Variants in HGSNAT observed in about 807,000 individuals in gnomAD.
The protein encoded by HGSNAT is heparan-alpha-glucosaminide N-acetyltransferase.
A neutral mutation model predicts 85.2 loss-of-function variants in HGSNAT; 59 were observed. The ratio of observed to expected loss-of-function variants is 0.69; its 90% CI spans 0.56 to 0.86. The LOEUF is 0.86. Among genes scored for constraint, HGSNAT ranks in the 40% least tolerant of loss-of-function variants. The probability of loss-of-function intolerance (pLI) is 0.00; values close to 1 mark genes in which losing one functional copy is unlikely to be tolerated. For missense variants in HGSNAT, 756 were observed against 777.1 expected (o/e 0.97, Z 0.32); for synonymous variants, 321 against 304.5 (o/e 1.05, Z -0.56).
At chr8:43,149,285 C>T (rs1802817001) in intron 2 of HGSNAT, among the ~76,000 whole-genome samples, 1 of 151,844 alleles carries the variant, frequency 6.6e-6, no homozygotes, top group Admixed American at 6.6e-5. Flanking sequence ...GAAAATATCC[C>T]ATTATTGCAA....
At chr8:43,141,276 G>C (rs1802526372) in intron 1 of HGSNAT, among the ~76,000 whole-genome samples, 2 of 151,740 alleles carry the variant, frequency 1.3e-5, no homozygotes, top group African/African-American at 4.9e-5. Context: ...TTTCCCTCCA[G>C]GGTGACTGGG....
At chr8:43,198,091 G>A in intron 17 of HGSNAT, 139 bp downstream of exon 17, 1 of 628,222 alleles carries the variant, frequency 1.6e-6, no homozygotes, top group Non-Finnish European at 2.8e-6. Context: ...GAGGGAGGAA[G>A]CAGCAGGGCC....
At chr8:43,169,857 G>T (rs563731637) in intron 6 of HGSNAT, among the ~76,000 whole-genome samples, 3 of 152,166 alleles carry the variant, frequency 2.0e-5, no homozygotes, top group Non-Finnish European at 4.4e-5. Context: ...ATCTTACTCT[G>T]TTGCCCAGGC....
chr8:43,159,607 A>G (rs937025701), intron 4 of HGSNAT, among the ~76,000 whole-genome samples: 2 of 152,208 alleles, frequency 1.3e-5, no homozygotes, highest in African/African-American at 2.4e-5. Context: ...TATATGATAT[A>G]TCAATACATT....
At chr8:43,140,687 TCTCCGTGCGCGG>T in intron 1 of HGSNAT, 73 bp downstream of exon 1, 1 of 704,926 alleles carries the variant, frequency 1.4e-6, no homozygotes. Flanking sequence ...GCCGCCCCTA[TCTCCGTGCGCGG>T]CGCCGAGCGC....
Position 43,166,373 on chromosome 8 carries a change from G to C in HGSNAT, c.564-2800G>C, listed in dbSNP as rs896227009. 3.0e-4 allele frequency among the ~76,000 whole-genome samples: 46 copies of C among 152,176 alleles called. 1 individual carries two copies. The highest frequency in any genetic ancestry group is 8.5e-4 in the Admixed American group (13 of 15,264). Reference sequence around the variant, plus strand: ...GAGAATTCAAAGCTTCACAGGACAGGCTGACTCTCTTGTTAGGAGCTAACG... The same window carrying C: ...GAGAATTCAAAGCTTCACAGGACAGCCTGACTCTCTTGTTAGGAGCTAACG... On this transcript the variant is annotated intron_variant, in intron 5 of 17. Coordinates refer to ENST00000379644, the MANE Select transcript of HGSNAT (RefSeq NM_152419.3).
chr8:43,175,663 T>A (rs867168484), intron 9 of HGSNAT, among the ~76,000 whole-genome samples: 1 of 151,538 alleles, frequency 6.6e-6, no homozygotes. Flanking sequence ...CCTCCTGGGT[T>A]CCAGCGATTC....
At chr8:43,193,325 G>C (rs899554384) in intron 13 of HGSNAT, among the ~76,000 whole-genome samples, 1 of 152,196 alleles carries the variant, frequency 6.6e-6, no homozygotes, top group African/African-American at 2.4e-5. Context: ...AATAAAAAAA[G>C]AAACATATTT....
Position 43,193,841 on chromosome 8 carries a change from C to T in HGSNAT, c.1462C>T (p.Gln488Ter). 1 of 1,613,270 alleles carries T rather than the reference C, an allele frequency of 6.2e-7. No individual in the cohort carries two copies. The highest frequency in any genetic ancestry group is 8.5e-7 in the Non-Finnish European group (1 of 1,179,334). The part of the protein sequence containing the change: ...NSIVMAFLGV[Q>*]AGKILLYYKA... Reference sequence around the variant, plus strand: ...CATCGTGATGGCCTTTTTAGGAGTTCAGGTATTTGTTCATTTCATTAGGTT... The same window carrying T: ...CATCGTGATGGCCTTTTTAGGAGTTTAGGTATTTGTTCATTTCATTAGGTT... Residue 488 changes from glutamine (Q) to a stop codon, truncating the protein, a stop_gained and splice_region_variant, in exon 14 of 18, where the codon CAG becomes TAG. Coordinates refer to ENST00000379644, the MANE Select transcript of HGSNAT (RefSeq NM_152419.3). LOFTEE classifies it high-confidence loss of function.
At chr8:43,145,506 A>G (rs1451893028) in intron 1 of HGSNAT, among the ~76,000 whole-genome samples, 1 of 152,142 alleles carries the variant, frequency 6.6e-6, no homozygotes, top group East Asian at 1.9e-4. Flanking sequence ...TAATCCCAGC[A>G]CTTTGGGAGG....
chr8:43,176,616 A>C (rs911368679), intron 9 of HGSNAT, among the ~76,000 whole-genome samples: 1 of 152,034 alleles, frequency 6.6e-6, no homozygotes, highest in African/African-American at 2.4e-5. Context: ...GATTGCATTG[A>C]GTCTGTAGAT....
Position 43,202,740 on chromosome 8 carries a change from G to T in HGSNAT, c.*3171G>T, listed in dbSNP as rs1253400598. 2 of 152,180 alleles carry T rather than the reference G, an allele frequency of 1.3e-5. No homozygotes were observed. The highest frequency in any genetic ancestry group is 2.9e-5 in the Non-Finnish European group (2 of 68,034). The allele number at this position is 152,180 out of a possible 1,614,324, so 9.4% of individuals were successfully genotyped here. On this transcript the variant is annotated 3_prime_UTR_variant, in exon 18 of 18. Transcript: ENST00000379644. ...ATAATAACCCAGTTTGTATCAAAGG[G>T]TATCGACTTAAGTGAAATTTCAACA... is the stretch of plus-strand genomic sequence containing the variant.
At chr8:43,161,304 G>A in intron 4 of HGSNAT, 134 bp from the exon 5 acceptor site, 1 of 641,596 alleles carries the variant, frequency 1.6e-6, no homozygotes, top group Non-Finnish European at 2.7e-6. Flanking sequence ...TTCAGGGTGA[G>A]CATAGGAAAT....
intron 2 of HGSNAT, among the ~76,000 whole-genome samples, chr8:43,152,771 A>AACC (rs1171634202): frequency 3.9e-5 from 6 of 152,154 alleles, no homozygotes; most frequent in Non-Finnish European, 8.8e-5. Flanking sequence ...TGATACATTT[A>AACC]AATGAGAAAA....
rs1413054845 is a variant in HGSNAT, at chr8:43,200,956, TCTC to T, written c.*1391_*1393del. ...TGTCTCAGGCCCAGCCCTAGCCTCT[TCTC>T]CTCAAATTCTAAGTGTTTTCTCTTT... is the stretch of plus-strand genomic sequence containing the variant. On this transcript the variant is annotated 3_prime_UTR_variant, in exon 18 of 18. Transcript: ENST00000379644. 2.0e-5 allele frequency: 3 copies of T among 152,760 alleles called. No individual in the cohort carries two copies. Among genetic ancestry groups the T allele is most frequent in the Admixed American group, 6.5e-5 (1 of 15,308 alleles). 9.5% of individuals were successfully genotyped at this position (152,760 alleles called of 1,614,324 possible).
intron 2 of HGSNAT, among the ~76,000 whole-genome samples, chr8:43,155,785 A>G (rs540552255): frequency 1.4e-3 from 206 of 152,182 alleles, no homozygotes; most frequent in African/African-American, 4.9e-3. Context: ...ACATGTAAAT[A>G]TCCAGTTTCC....
intron 2 of HGSNAT, among the ~76,000 whole-genome samples, chr8:43,148,149 G>A (rs913070974): frequency 1.1e-4 from 16 of 151,996 alleles, no homozygotes; most frequent in Non-Finnish European, 2.1e-4. Context: ...GGCTGAGGCA[G>A]GAGAATCGCT....
At chr8:43,192,573 T>A in intron 13 of HGSNAT, 143 bp downstream of exon 13, 1 of 942,026 alleles carries the variant, frequency 1.1e-6, no homozygotes, top group Non-Finnish European at 1.5e-6. Context: ...TCAGCTAACT[T>A]AATGACTTTA....
intron 13 of HGSNAT, 74 bp from the exon 14 acceptor site, chr8:43,193,683 A>T: frequency 1.0e-6 from 1 of 953,226 alleles, no homozygotes; most frequent in Non-Finnish European, 1.7e-6. Context: ...TCAGGTTTGT[A>T]TTTGGTCTAG....
Sources: gnomAD v4.1 joint callset for allele counts (sites outside exome capture counted in the v4.1 genomes callset) on GRCh38, gnomAD v4.1.1 for gene constraint, MANE v1.5 for transcripts, NCBI Gene and HGNC (gene_info 2026-07-23, HGNC 2026-07-21) for gene names.